Variants in CLDN10 observed in about 807,000 individuals in gnomAD.
CLDN10 encodes claudin-10.
CLDN10 carries 15 observed loss-of-function variants against 22.9 expected under a neutral mutation model. The ratio of observed to expected loss-of-function variants is 0.65; its 90% CI spans 0.44 to 1.01. CLDN10 has a LOEUF of 1.01. Ranked by LOEUF, CLDN10 falls within the 50% of genes least tolerant of loss-of-function variation. The pLI is 0.00. For synonymous variants in CLDN10, 114 were observed against 111.4 expected (o/e 1.02, Z -0.15); for missense variants, 247 against 287.8 (o/e 0.86, Z 1.03).
At chr13:95,484,201 C>G (rs1196642449) in intron 1 of CLDN10, among the ~76,000 whole-genome samples, 1 of 152,214 alleles carries the variant, frequency 6.6e-6, no homozygotes, top group East Asian at 1.9e-4. Context: ...CTCTCTGCAG[C>G]TCAGTCACTT....
intron 1 of CLDN10, among the ~76,000 whole-genome samples, chr13:95,488,242 CAAAAA>C (rs1270135725): frequency 2.9e-5 from 2 of 67,874 alleles, no homozygotes; most frequent in African/African-American, 5.4e-5. Flanking sequence ...GACCCCATCT[CAAAAA>C]AAAAAAAAAA....
At chr13:95,465,875 T>C (rs2042577484) in intron 1 of CLDN10, among the ~76,000 whole-genome samples, 1 of 152,188 alleles carries the variant, frequency 6.6e-6, no homozygotes, top group South Asian at 2.1e-4. Context: ...TTAATGAACT[T>C]GGATTTTGTC....
At chr13:95,438,984 A>T (rs2042298656) in intron 1 of CLDN10, among the ~76,000 whole-genome samples, 1 of 151,416 alleles carries the variant, frequency 6.6e-6, no homozygotes, top group African/African-American at 2.4e-5. Flanking sequence ...GCAAAAAAAA[A>T]AAAAAAAAAA....
intron 1 of CLDN10, among the ~76,000 whole-genome samples, chr13:95,443,962 G>A (rs954883524): frequency 6.6e-6 from 1 of 152,188 alleles, no homozygotes; most frequent in Non-Finnish European, 1.5e-5. Flanking sequence ...CCTTGGTGGT[G>A]TTTGGACTGT....
At chr13:95,463,958 AAGG>A (rs2042561095) in intron 1 of CLDN10, among the ~76,000 whole-genome samples, 1 of 152,086 alleles carries the variant, frequency 6.6e-6, no homozygotes, top group African/African-American at 2.4e-5. Context: ...TTTCATTTTC[AAGG>A]TTATTGGAGC....
At chr13:95,523,739 G>C (rs896633996) in intron 1 of CLDN10, among the ~76,000 whole-genome samples, 1 of 152,072 alleles carries the variant, frequency 6.6e-6, no homozygotes, top group East Asian at 1.9e-4. Flanking sequence ...ACCAATGCCC[G>C]GCTTATTTAC....
At chr13:95,552,699 G>T (rs1437413825), upstream of CLDN10, 4 of 1,539,310 alleles carry the variant, frequency 2.6e-6, no homozygotes, top group South Asian at 1.2e-5. Context: ...TTGGGAGTGC[G>T]GGGGTCGCGG....
intron 1 of CLDN10, among the ~76,000 whole-genome samples, chr13:95,511,028 T>C: frequency 6.6e-6 from 1 of 152,312 alleles, no homozygotes; most frequent in East Asian, 1.9e-4. Flanking sequence ...AAGTACTCTA[T>C]GAATATGATG....
At chr13:95,468,214 C>A (rs941105548) in intron 1 of CLDN10, among the ~76,000 whole-genome samples, 2 of 137,814 alleles carry the variant, frequency 1.5e-5, no homozygotes, top group African/African-American at 2.7e-5. Flanking sequence ...CTGGATTCTT[C>A]CTGTTTTTGT....
intron 1 of CLDN10, among the ~76,000 whole-genome samples, chr13:95,474,349 G>A (rs2042664709): frequency 1.3e-5 from 2 of 152,132 alleles, no homozygotes; most frequent in African/African-American, 4.8e-5. Flanking sequence ...GTGGTGATGT[G>A]AGCCATGGGG....
At chr13:95,507,044 T>G (rs1029910094) in intron 1 of CLDN10, among the ~76,000 whole-genome samples, 9 of 152,214 alleles carry the variant, frequency 5.9e-5, no homozygotes, top group African/African-American at 9.6e-5. Flanking sequence ...AGTCTCAACA[T>G]AGTGTTAAAA....
chr13:95,540,411 T>C (rs1398870435), intron 1 of CLDN10, among the ~76,000 whole-genome samples: 1 of 152,070 alleles, frequency 6.6e-6, no homozygotes, highest in Non-Finnish European at 1.5e-5. Flanking sequence ...AGAGAATCGC[T>C]TGAGCCTGGG....
At chr13:95,443,069 G>A (rs2042339904) in intron 1 of CLDN10, among the ~76,000 whole-genome samples, 1 of 152,156 alleles carries the variant, frequency 6.6e-6, no homozygotes, top group African/African-American at 2.4e-5. Flanking sequence ...ATACTCTAAA[G>A]TCTCCATTTT....
At chr13:95,505,890 G>A (rs2043033620) in intron 1 of CLDN10, among the ~76,000 whole-genome samples, 2 of 152,070 alleles carry the variant, frequency 1.3e-5, no homozygotes, top group South Asian at 4.2e-4. Flanking sequence ...AAGTATCTGG[G>A]ATTACAGGTG....
intron 1 of CLDN10, among the ~76,000 whole-genome samples, chr13:95,488,727 C>CAT (rs199604705): frequency 1.2e-4 from 18 of 151,454 alleles, no homozygotes; most frequent in East Asian, 3.9e-4. Context: ...AGTATTCCAT[C>CAT]ATATATATAT....
intron 1 of CLDN10, among the ~76,000 whole-genome samples, chr13:95,553,922 C>A (rs988793274): frequency 6.6e-5 from 10 of 152,194 alleles, no homozygotes; most frequent in African/African-American, 2.2e-4. Context: ...GCAAACGAAT[C>A]CTGGCAGAAA....
At chr13:95,444,086 G>T (rs761388909) in intron 1 of CLDN10, among the ~76,000 whole-genome samples, 6 of 152,130 alleles carry the variant, frequency 3.9e-5, no homozygotes, top group South Asian at 2.1e-4. Context: ...TCTCTCACAA[G>T]GTTCATAGCT....
intron 3 of CLDN10, among the ~76,000 whole-genome samples, chr13:95,565,960 CT>C (rs923359978): frequency 3.3e-5 from 5 of 152,092 alleles, no homozygotes; most frequent in Non-Finnish European, 5.9e-5. Flanking sequence ...TGAACTCATC[CT>C]TTTTTATGGC....
intron 1 of CLDN10, among the ~76,000 whole-genome samples, chr13:95,507,654 G>T (rs2043052559): frequency 6.6e-6 from 1 of 150,672 alleles, no homozygotes; most frequent in African/African-American, 2.4e-5. Flanking sequence ...ACAGAGTTCT[G>T]CTCTTGTTGC....
Sources: gnomAD v4.1 joint callset for allele counts (sites outside exome capture counted in the v4.1 genomes callset) on GRCh38, gnomAD v4.1.1 for gene constraint, MANE v1.5 for transcripts, NCBI Gene and HGNC (gene_info 2026-07-23, HGNC 2026-07-21) for gene names.